Variants in GRID2 observed in about 807,000 individuals in gnomAD.
The protein encoded by GRID2 is glutamate receptor ionotropic, delta-2.
Under a neutral mutation model 114.8 loss-of-function variants are expected in GRID2, and 33 were observed. The observed-to-expected ratio is 0.29, with a 90% CI of 0.22 to 0.38. The LOEUF (loss-of-function observed/expected upper bound fraction) is 0.38. Among genes scored for constraint, GRID2 ranks in the 10% least tolerant of loss-of-function variants. The pLI is 1.00. For missense variants in GRID2, 1,184 were observed against 1,257.7 expected (o/e 0.94, Z 0.89); for synonymous variants, 505 against 449.9 (o/e 1.12, Z -1.55).
intron 1 of GRID2, among the ~76,000 whole-genome samples, chr4:92,502,731 T>C (rs1320075585): frequency 8.1e-6 from 1 of 123,978 alleles, no homozygotes; most frequent in African/African-American, 2.9e-5. Context: ...TTTTTTTTTT[T>C]TTCCTATACG....
intron 2 of GRID2, among the ~76,000 whole-genome samples, chr4:92,983,320 C>A (rs547083129): frequency 6.6e-6 from 1 of 152,154 alleles, no homozygotes; most frequent in African/African-American, 2.4e-5. Flanking sequence ...GGTGAAAGGG[C>A]ATGCAGGAGT....
At chr4:93,480,731 C>T (rs1039162928) in intron 11 of GRID2, among the ~76,000 whole-genome samples, 1 of 151,986 alleles carries the variant, frequency 6.6e-6, no homozygotes, top group Admixed American at 6.6e-5. Context: ...CAGGATTCCC[C>T]AGTGTTATCT....
intron 8 of GRID2, among the ~76,000 whole-genome samples, chr4:93,293,759 T>C (rs1468559262): frequency 1.3e-5 from 2 of 152,204 alleles, no homozygotes; most frequent in African/African-American, 4.8e-5. Flanking sequence ...TCATATTGGC[T>C]TATGGATCCA....
At chr4:92,568,462 A>G (rs1211007585) in intron 1 of GRID2, among the ~76,000 whole-genome samples, 3 of 151,892 alleles carry the variant, frequency 2.0e-5, no homozygotes, top group African/African-American at 7.3e-5. Flanking sequence ...TGCTACCTTT[A>G]TTCTTCTGAA....
chr4:93,729,970 G>T (rs1357846365), intron 14 of GRID2, among the ~76,000 whole-genome samples: 1 of 151,846 alleles, frequency 6.6e-6, no homozygotes, highest in Non-Finnish European at 1.5e-5. Context: ...GTGTCTCTAG[G>T]GCCTAATACA....
chr4:92,992,441 A>G (rs187637564), intron 2 of GRID2, among the ~76,000 whole-genome samples: 1 of 152,238 alleles, frequency 6.6e-6, no homozygotes, highest in Non-Finnish European at 1.5e-5. Context: ...CTAGGCACTG[A>G]TAGTATAGTT....
chr4:93,196,495 A>T (rs1205618834), intron 4 of GRID2, among the ~76,000 whole-genome samples: 2 of 152,156 alleles, frequency 1.3e-5, no homozygotes, highest in Non-Finnish European at 2.9e-5. Context: ...CACTCTTAAA[A>T]TTCTAGAAAG....
intron 2 of GRID2, among the ~76,000 whole-genome samples, chr4:92,769,355 A>G (rs1190742053): frequency 1.3e-5 from 2 of 152,096 alleles, no homozygotes; most frequent in Non-Finnish European, 2.9e-5. Flanking sequence ...ACCTGCTTTC[A>G]TGGGCCGGCG....
chr4:93,262,511 A>G (rs938351323), intron 8 of GRID2, among the ~76,000 whole-genome samples: 9 of 151,988 alleles, frequency 5.9e-5, no homozygotes, highest in African/African-American at 1.9e-4. Flanking sequence ...AAATCATTAT[A>G]TACATATATT....
chr4:93,401,236 A>G (rs951162641), intron 9 of GRID2, among the ~76,000 whole-genome samples: 11 of 152,116 alleles, frequency 7.2e-5, no homozygotes, highest in African/African-American at 2.7e-4. Context: ...TAGAATTACC[A>G]TAAAAATAAT....
At chr4:93,734,817 G>A (rs759900573) in intron 14 of GRID2, among the ~76,000 whole-genome samples, 1 of 151,952 alleles carries the variant, frequency 6.6e-6, no homozygotes, top group South Asian at 2.1e-4. Flanking sequence ...AACATTGCAC[G>A]CCATTAATTT....
chr4:93,156,181 A>G (rs1737169940), intron 4 of GRID2, among the ~76,000 whole-genome samples: 1 of 151,822 alleles, frequency 6.6e-6, no homozygotes, highest in African/African-American at 2.4e-5. Flanking sequence ...AGTGCCTGGA[A>G]CACAGTGTTA....
intron 1 of GRID2, among the ~76,000 whole-genome samples, chr4:92,442,179 C>G (rs566000517): frequency 6.6e-6 from 1 of 151,358 alleles, no homozygotes; most frequent in Middle Eastern, 3.4e-3. Context: ...TGAAGCTTGG[C>G]GTCCGTGATG....
At chr4:92,834,729 C>G (rs1742336743) in intron 2 of GRID2, among the ~76,000 whole-genome samples, 2 of 152,122 alleles carry the variant, frequency 1.3e-5, no homozygotes, top group South Asian at 4.1e-4. Flanking sequence ...TTGGGAAGTA[C>G]TAATATTTCT....
chr4:92,915,934 C>T (rs938447525), intron 2 of GRID2, among the ~76,000 whole-genome samples: 1 of 151,806 alleles, frequency 6.6e-6, no homozygotes, highest in East Asian at 1.9e-4. Flanking sequence ...TTTTTGGTAA[C>T]TTTGTTTAAG....
intron 2 of GRID2, among the ~76,000 whole-genome samples, chr4:92,705,843 C>T (rs1404863565): frequency 6.6e-6 from 1 of 152,170 alleles, no homozygotes; most frequent in Non-Finnish European, 1.5e-5. Context: ...TGCTGTATCA[C>T]CTTCCCAGCA....
At chr4:92,738,183 G>A (rs79792484) in intron 2 of GRID2, among the ~76,000 whole-genome samples, 5,339 of 152,194 alleles carry the variant, frequency 0.035, 249 homozygotes, top group African/African-American at 0.11. Flanking sequence ...CAGTGATGGT[G>A]AGAATTTTTT....
chr4:92,307,673 T>G (rs1292846574), intron 1 of GRID2, among the ~76,000 whole-genome samples: 1 of 152,196 alleles, frequency 6.6e-6, no homozygotes, highest in Non-Finnish European at 1.5e-5. Context: ...AAAATGTATT[T>G]ATTTTAGTCA....
intron 2 of GRID2, among the ~76,000 whole-genome samples, chr4:93,041,356 G>GC (rs1372518054): frequency 2.6e-5 from 4 of 152,184 alleles, no homozygotes; most frequent in African/African-American, 7.2e-5. Flanking sequence ...TTGCAGAATG[G>GC]CGAACTTCTC....
Sources: allele counts gnomAD v4.1 joint callset (sites outside exome capture counted in the v4.1 genomes callset), GRCh38; gene constraint gnomAD v4.1.1; transcripts MANE v1.5; gene names NCBI Gene and HGNC (gene_info 2026-07-23, HGNC 2026-07-21).